The following ACOT11 variants were observed in gnomAD, a reference collection of about 807,000 sequenced individuals.
The protein encoded by ACOT11 is acyl-CoA thioesterase 11, also known as acyl-coenzyme A thioesterase 11.
Under a neutral mutation model 77.5 loss-of-function variants are expected in ACOT11, and 69 were observed. The ratio of observed to expected loss-of-function variants is 0.89; its 90% confidence interval spans 0.73 to 1.09. The LOEUF (loss-of-function observed/expected upper bound fraction) is 1.09, where lower values mean the gene tolerates loss of function less well. Among genes scored for constraint, ACOT11 ranks in the 50% least tolerant of loss-of-function variants. The pLI is 0.00. For missense variants in ACOT11, 766 were observed against 813.7 expected (o/e 0.94, Z 0.71); for synonymous variants, 279 against 313.0 (o/e 0.89, Z 1.15).
intron 10 of ACOT11, 30 bp downstream of exon 10, chr1:54,602,754 G>A (rs368032136): frequency 2.0e-6 from 3 of 1,510,908 alleles, no homozygotes; most frequent in Non-Finnish European, 2.7e-6. Flanking sequence ...TGGGCAGAAT[G>A]TGGATTCGGG....
At position 54,609,627 on chromosome 1, in the gene ACOT11, C is replaced by T; in HGVS notation, c.*515C>T. On this transcript the variant is annotated 3_prime_UTR_variant, in exon 16 of 16. Transcript: ENST00000343744. ...GTCACGTGGGGGAAGACCTCAGCCA[C>T]AGCTGTAAGCAGCTCTCTGCCAGCC... 6.2e-7 allele frequency: 1 copy of T among 1,613,764 alleles called. No homozygotes were observed. The highest frequency in any genetic ancestry group is 1.1e-5 in the South Asian group (1 of 91,086).
At chr1:54,570,255 A>G (rs1192367808) in intron 1 of ACOT11, among the ~76,000 whole-genome samples, 1 of 152,248 alleles carries the variant, frequency 6.6e-6, no homozygotes, top group African/African-American at 2.4e-5. Context: ...AGAGTGCCAC[A>G]GACTCTGTCC....
intron 3 of ACOT11, among the ~76,000 whole-genome samples, chr1:54,587,914 A>G (rs1009987447): frequency 6.6e-6 from 1 of 152,074 alleles, no homozygotes; most frequent in Non-Finnish European, 1.5e-5. Context: ...AAAACATTGT[A>G]TCTCTAAAGA....
At chr1:54,622,180 G>A (rs1034453358) in intron 15 of ACOT11, among the ~76,000 whole-genome samples, 5 of 151,290 alleles carry the variant, frequency 3.3e-5, no homozygotes, top group African/African-American at 1.2e-4. Context: ...GGAGGCTGAG[G>A]TGGAAGAATT....
At chr1:54,592,793 C>T (rs1241621093) in intron 4 of ACOT11, among the ~76,000 whole-genome samples, 187 bp downstream of exon 4, 1 of 152,208 alleles carries the variant, frequency 6.6e-6, no homozygotes, top group Non-Finnish European at 1.5e-5. Flanking sequence ...TCCCAGAACA[C>T]AGACAGGAAA....
chr1:54,548,284 G>A lies in ACOT11; in HGVS notation c.-26G>A, dbSNP rs112383115. On this transcript the variant is annotated 5_prime_UTR_variant, in exon 1 of 16. Coordinates refer to ENST00000343744, the MANE Select transcript of ACOT11 (RefSeq NM_147161.4). ...GACCAGCTTGTGTCTCTGGGAGGGC[G>A]CTGCTTTCCCCGGCCACCCGGCGCG... 29,366 of 1,586,004 alleles carry A rather than the reference G, an allele frequency of 0.019. 356 individuals are homozygous for A. Among genetic ancestry groups the A allele is most frequent in the Middle Eastern group, 0.045 (260 of 5,728 alleles).
chr1:54,626,287 A>G (rs1644272157), intron 15 of ACOT11, among the ~76,000 whole-genome samples: 1 of 151,738 alleles, frequency 6.6e-6, no homozygotes, highest in South Asian at 2.1e-4. Context: ...AGAAAAGAAA[A>G]AAGAGAAAAG....
At chr1:54,560,672 A>G (rs1217521356) in intron 1 of ACOT11, among the ~76,000 whole-genome samples, 1 of 151,476 alleles carries the variant, frequency 6.6e-6, no homozygotes, top group East Asian at 1.9e-4. Context: ...CTCCCAAGTA[A>G]CTGGTACACC....
chr1:54,618,354 A>T (rs1437719773), intron 15 of ACOT11, among the ~76,000 whole-genome samples: 1 of 152,120 alleles, frequency 6.6e-6, no homozygotes, highest in Non-Finnish European at 1.5e-5. Context: ...AAATACAAAA[A>T]TTAGCCAGGC....
At chr1:54,615,938 C>T in intron 15 of ACOT11, 1 of 1,456,414 alleles carries the variant, frequency 6.9e-7, no homozygotes. Context: ...GCTGGACTTG[C>T]TTCCCAGTGA....
intron 1 of ACOT11, among the ~76,000 whole-genome samples, chr1:54,569,113 G>GA (rs67349209): frequency 0.41 from 55,838 of 135,386 alleles, 11,730 homozygotes; most frequent in Non-Finnish European, 0.49. Context: ...AGACTCTCTC[G>GA]AAAAAAAAAA....
intron 6 of ACOT11, among the ~76,000 whole-genome samples, chr1:54,595,062 A>G (rs895466815): frequency 1.8e-4 from 27 of 152,172 alleles, no homozygotes; most frequent in Non-Finnish European, 8.8e-5. Flanking sequence ...AAAAGCATAT[A>G]TAGGCCGGGC....
chr1:54,621,950 G>C (rs1302350883), intron 15 of ACOT11: 1 of 152,494 alleles, frequency 6.6e-6, no homozygotes, highest in Non-Finnish European at 1.5e-5. Context: ...GCCAAGATCT[G>C]ATGGTCTTCA....
chr1:54,578,561 C>A (rs1654193479), intron 1 of ACOT11, among the ~76,000 whole-genome samples: 1 of 152,178 alleles, frequency 6.6e-6, no homozygotes, highest in African/African-American at 2.4e-5. Flanking sequence ...TGAATAACCT[C>A]TTAGTGAAGA....
chr1:54,594,456 G>A (rs1654824235), intron 5 of ACOT11, 100 bp from the exon 6 acceptor site: 2 of 1,452,064 alleles, frequency 1.4e-6, no homozygotes, highest in Non-Finnish European at 1.8e-6. Flanking sequence ...CACGCCTGCT[G>A]TGTGCTAGCC....
In ACOT11 at chr1:54,554,351, A is replaced by ATTTT. The variant is rs35047110; in HGVS notation, c.33+6024_33+6027dup. Among the ~76,000 whole-genome samples, 298 of 97,254 alleles carry ATTTT rather than the reference A, an allele frequency of 3.1e-3. 10 individuals are homozygous for ATTTT. The highest frequency in any genetic ancestry group is 0.011 in the African/African-American group (265 of 23,372). The allele number at this position is 97,254 out of a possible 152,430, so 63.8% of individuals were successfully genotyped here. On this transcript the variant is annotated intron_variant, in intron 1 of 15. Coordinates refer to ENST00000343744, the MANE Select transcript of ACOT11 (RefSeq NM_147161.4). The stretch of plus-strand genomic sequence containing the variant: ...TGTGTGTGTATATATATATATATAT[A>ATTTT]TTTTTTTTTTTTTTTTTTGAGATGG...
intron 3 of ACOT11, among the ~76,000 whole-genome samples, chr1:54,589,894 C>A (rs1654644809): frequency 6.6e-6 from 1 of 152,114 alleles, no homozygotes; most frequent in Admixed American, 6.6e-5. Flanking sequence ...CCAGACCATC[C>A]TGGCTAACAC....
intron 15 of ACOT11, chr1:54,623,322 A>G: frequency 6.2e-7 from 1 of 1,614,098 alleles, no homozygotes; most frequent in African/African-American, 1.3e-5. Context: ...GGCAATGACC[A>G]CCACAGACAC....
chr1:54,551,156 AAAC>A (rs1653053910), intron 1 of ACOT11, among the ~76,000 whole-genome samples: 1 of 151,810 alleles, frequency 6.6e-6, no homozygotes, highest in African/African-American at 2.4e-5. Flanking sequence ...AAAAGAAAAA[AAAC>A]CAGCAACAGC....
Sources: allele counts gnomAD v4.1 joint callset (sites outside exome capture counted in the v4.1 genomes callset), GRCh38; gene constraint gnomAD v4.1.1; transcripts MANE v1.5; gene names NCBI Gene and HGNC (gene_info 2026-07-23, HGNC 2026-07-21).